HS3ST5: variants seen among roughly 807,000 people sequenced by gnomAD.
HS3ST5 encodes heparan sulfate glucosamine 3-O-sulfotransferase 5.
HS3ST5 carries 10 observed loss-of-function variants against 25.4 expected under a neutral mutation model. The observed-to-expected ratio is 0.39, with a 90% CI of 0.24 to 0.67. HS3ST5 has a LOEUF of 0.67. Ranked by LOEUF, HS3ST5 falls within the 30% of genes least tolerant of loss-of-function variation. HS3ST5 has a pLI of 0.44. For synonymous variants in HS3ST5, 170 were observed against 162.4 expected (o/e 1.05, Z -0.36); for missense variants, 324 against 420.7 (o/e 0.77, Z 2.01).
intron 1 of HS3ST5, among the ~76,000 whole-genome samples, chr6:114,324,714 C>A (rs984882069): frequency 2.0e-5 from 3 of 152,166 alleles, no homozygotes; most frequent in Non-Finnish European, 2.9e-5. Context: ...TCTATCGGTA[C>A]CATCACTGTA....
At chr6:114,234,780 TTG>T in intron 1 of HS3ST5, among the ~76,000 whole-genome samples, 1 of 152,252 alleles carries the variant, frequency 6.6e-6, no homozygotes, top group Non-Finnish European at 1.5e-5. Flanking sequence ...TTTGACAAAA[TTG>T]TGTTTATTCC....
intron 3 of HS3ST5, chr6:114,084,475 G>A (rs960297554): frequency 9.2e-6 from 7 of 757,322 alleles, no homozygotes; most frequent in Non-Finnish European, 1.7e-5. Context: ...GACCTCCCGC[G>A]GGTATTCACG....
intron 3 of HS3ST5, among the ~76,000 whole-genome samples, chr6:114,132,593 G>A (rs753068225): frequency 1.3e-5 from 2 of 152,286 alleles, no homozygotes; most frequent in Non-Finnish European, 1.5e-5. Flanking sequence ...ACAGAACAGC[G>A]TTATGGCCTG....
intron 2 of HS3ST5, among the ~76,000 whole-genome samples, chr6:114,197,171 A>C (rs1276264995): frequency 6.7e-6 from 1 of 150,022 alleles, no homozygotes; most frequent in East Asian, 1.9e-4. Flanking sequence ...TTATTTTTTG[A>C]ATAGACAAAT....
intron 1 of HS3ST5, among the ~76,000 whole-genome samples, chr6:114,317,802 C>T (rs58258587): frequency 0.093 from 6,343 of 68,518 alleles, 324 homozygotes; most frequent in African/African-American, 0.25. Context: ...AGGCGGGGGG[C>T]GGGGGGGTAG....
intron 1 of HS3ST5, chr6:114,340,800 C>A (rs1054173815): frequency 1.3e-5 from 2 of 152,090 alleles, no homozygotes; most frequent in African/African-American, 4.8e-5. Flanking sequence ...CTTGAAAAGA[C>A]CTTAATATAT....
intron 3 of HS3ST5, among the ~76,000 whole-genome samples, chr6:114,161,934 T>C (rs923749545): frequency 6.6e-6 from 1 of 151,952 alleles, no homozygotes; most frequent in African/African-American, 2.4e-5. Context: ...AAATCTAGAC[T>C]TAATCAATTC....
chr6:114,315,435 T>C (rs1323054), intron 1 of HS3ST5, among the ~76,000 whole-genome samples: 35,100 of 152,130 alleles, frequency 0.23, 4,041 homozygotes, highest in Admixed American at 0.27. Context: ...CTTTGTTAAA[T>C]GTATTTTAAT....
chr6:114,120,578 T>G (rs2114874791), intron 3 of HS3ST5, among the ~76,000 whole-genome samples: 1 of 152,324 alleles, frequency 6.6e-6, no homozygotes, highest in South Asian at 2.1e-4. Flanking sequence ...TTTGGTCATT[T>G]TTTTCAGTTC....
At chr6:114,280,473 G>T (rs1232403865) in intron 1 of HS3ST5, among the ~76,000 whole-genome samples, 5 of 152,002 alleles carry the variant, frequency 3.3e-5, no homozygotes, top group Admixed American at 2.0e-4. Context: ...GGGACACATT[G>T]CTGGGAAAGA....
At chr6:114,223,352 G>A (rs1052186422) in intron 2 of HS3ST5, among the ~76,000 whole-genome samples, 8 of 151,716 alleles carry the variant, frequency 5.3e-5, no homozygotes, top group Non-Finnish European at 1.0e-4. Flanking sequence ...GTGAAGCTAA[G>A]CGGCTTTGCA....
chr6:114,328,192 A>G (rs1022167210), intron 1 of HS3ST5, among the ~76,000 whole-genome samples: 2 of 151,946 alleles, frequency 1.3e-5, no homozygotes, highest in African/African-American at 4.8e-5. Context: ...GGTTAAGTAC[A>G]GAAGGTAAAG....
At chr6:114,128,616 G>A (rs531858387) in intron 3 of HS3ST5, among the ~76,000 whole-genome samples, 112 of 152,274 alleles carry the variant, frequency 7.4e-4, no homozygotes, top group South Asian at 1.4e-3. Flanking sequence ...TAGTCTAAGA[G>A]ATTTAAAAAA....
chr6:114,327,981 A>G (rs1668842852), intron 1 of HS3ST5, among the ~76,000 whole-genome samples: 1 of 152,176 alleles, frequency 6.6e-6, no homozygotes, highest in African/African-American at 2.4e-5. Context: ...ATAGGCTCAC[A>G]CTTAGTAAGA....
intron 1 of HS3ST5, among the ~76,000 whole-genome samples, chr6:114,313,297 G>A (rs1209237794): frequency 1.3e-5 from 2 of 152,112 alleles, no homozygotes; most frequent in Non-Finnish European, 2.9e-5. Flanking sequence ...TAGCCTTATG[G>A]AGATATACCG....
chr6:114,248,132 C>T (rs958757528), intron 1 of HS3ST5, among the ~76,000 whole-genome samples: 5 of 150,070 alleles, frequency 3.3e-5, no homozygotes, highest in African/African-American at 4.9e-5. Context: ...ACCTAGGAGA[C>T]GGAAGTTGCA....
intron 2 of HS3ST5, among the ~76,000 whole-genome samples, chr6:114,174,129 C>A (rs1438764933): frequency 6.6e-6 from 1 of 151,994 alleles, no homozygotes; most frequent in East Asian, 2.0e-4. Flanking sequence ...TCATCCAGAG[C>A]TGCTTTCAAT....
chr6:114,338,847 C>T (rs1776713265), intron 1 of HS3ST5, among the ~76,000 whole-genome samples: 1 of 151,998 alleles, frequency 6.6e-6, no homozygotes, highest in Non-Finnish European at 1.5e-5. Flanking sequence ...GTTGAATTCA[C>T]AGAAAGCCTA....
chr6:114,106,532 T>C (rs1420209703), intron 3 of HS3ST5, among the ~76,000 whole-genome samples: 1 of 152,096 alleles, frequency 6.6e-6, no homozygotes, highest in African/African-American at 2.4e-5. Context: ...CTTTAAAAAA[T>C]ACATCTATAA....
Sources: allele counts gnomAD v4.1 joint callset (sites outside exome capture counted in the v4.1 genomes callset), GRCh38; gene constraint gnomAD v4.1.1; transcripts MANE v1.5; gene names NCBI Gene and HGNC (gene_info 2026-07-23, HGNC 2026-07-21).